Variants in MX1 observed in about 807,000 individuals in gnomAD.
The protein encoded by MX1 is MX dynamin like GTPase 1.
In MX1, 66 loss-of-function variants were observed where a neutral mutation model predicts 66.4. The ratio of observed to expected loss-of-function variants is 0.99; its 90% CI spans 0.82 to 1.22. The LOEUF (loss-of-function observed/expected upper bound fraction) is 1.22, where lower values mean the gene tolerates loss of function less well. Among genes scored for constraint, MX1 ranks in the 50% most tolerant of loss-of-function variants. MX1 has a pLI of 0.00. For synonymous variants in MX1, 311 were observed against 318.1 expected (o/e 0.98, Z 0.24); for missense variants, 787 against 834.3 (o/e 0.94, Z 0.70).
chr21:41,435,182 C>A (rs976876240), intron 5 of MX1, among the ~76,000 whole-genome samples: 10 of 152,180 alleles, frequency 6.6e-5, no homozygotes, highest in Non-Finnish European at 1.5e-4. Context: ...TCTGGCTGCT[C>A]CTAACATTTT....
intron 8 of MX1, 28 bp from the exon 9 acceptor site, chr21:41,440,859 C>G: frequency 6.2e-7 from 1 of 1,613,912 alleles, no homozygotes; most frequent in Non-Finnish European, 8.5e-7. Flanking sequence ...GCCATACTCA[C>G]GAGTCACCTC....
At chr21:41,431,562 G>T (rs2090213470) in intron 4 of MX1, among the ~76,000 whole-genome samples, 1 of 151,022 alleles carries the variant, frequency 6.6e-6, no homozygotes. Context: ...TGCATCCTCT[G>T]CCTGCCAGGT....
At chr21:41,446,360 C>T (rs2090664445) in intron 13 of MX1, among the ~76,000 whole-genome samples, 1 of 152,136 alleles carries the variant, frequency 6.6e-6, no homozygotes, top group Admixed American at 6.5e-5. Flanking sequence ...CAAGCTTCCT[C>T]GGACCTCTTT....
intron 7 of MX1, among the ~76,000 whole-genome samples, chr21:41,438,094 TTTCA>T (rs1568976645): frequency 6.6e-6 from 1 of 152,230 alleles, no homozygotes; most frequent in Non-Finnish European, 1.5e-5. Flanking sequence ...CATGTTTAAG[TTTCA>T]TTCACACTGG....
intron 3 of MX1, chr21:41,429,640 C>G (rs7280422): frequency 0.26 from 39,005 of 151,984 alleles, 5,736 homozygotes; most frequent in East Asian, 0.42. Context: ...AATGGATTAC[C>G]TTTTATAACC....
chr21:41,450,164 C>T (rs1030756245), intron 14 of MX1, among the ~76,000 whole-genome samples: 1 of 152,220 alleles, frequency 6.6e-6, no homozygotes, highest in African/African-American at 2.4e-5. Flanking sequence ...TATTTGAAAT[C>T]TCCGAGGAGT....
At chr21:41,426,685 G>A (rs762895768) in intron 1 of MX1, 1 of 152,236 alleles carries the variant, frequency 6.6e-6, no homozygotes, top group African/African-American at 2.4e-5. Flanking sequence ...GCTTTCCGTC[G>A]ACTTCTATTT....
chr21:41,458,718 TGACGCA>T lies in MX1; in HGVS notation c.1951_1956del (p.Thr651_Gln652del). ...TTCCTGAAGGAGCGGCTTGCACGGC[TGACGCA>T]GGCTCGGCGCCGGCTTGCCCAGTTC... is the stretch of plus-strand genomic sequence containing the variant. On this transcript the variant is annotated inframe_deletion, in exon 17 of 17. Transcript: ENST00000398598. The T allele has an allele frequency of 6.2e-7, 1 of 1,613,944 alleles. No homozygotes were observed. The highest frequency in any genetic ancestry group is 1.1e-5 in the South Asian group (1 of 91,084).
intron 10 of MX1, 150 bp from the exon 11 acceptor site, chr21:41,443,638 A>G (rs1342690831): frequency 1.4e-6 from 1 of 704,384 alleles, no homozygotes; most frequent in African/African-American, 1.8e-5. Flanking sequence ...TATTCAATCC[A>G]GTTCTGAGTA....
chr21:41,458,840 T>C lies in MX1; in HGVS notation c.*82T>C, dbSNP rs1324719416. 6.6e-7 allele frequency: 1 copy of C among 1,524,838 alleles called. No homozygotes were observed. Among genetic ancestry groups the C allele is most frequent in the East Asian group, 2.3e-5 (1 of 42,958 alleles). 94.5% of individuals were successfully genotyped at this position (1,524,838 alleles called of 1,614,324 possible). A position where few individuals can be genotyped will look rare whatever the true frequency, so the allele number is the denominator to read the frequency against. The stretch of plus-strand genomic sequence containing the variant: ...GTAGCCACTGGACTGACGACTTGAG[T>C]GCTCAGTAGTCAGACTGGATAGTCC... On this transcript the variant is annotated 3_prime_UTR_variant, in exon 17 of 17. Transcript: ENST00000398598.
upstream of MX1, among the ~76,000 whole-genome samples, chr21:41,424,226 AGTGT>A (rs3037030): frequency 0.26 from 38,134 of 146,146 alleles, 5,461 homozygotes; most frequent in East Asian, 0.52. Context: ...AGAGGGGTTG[AGTGT>A]GTGTGTGTGT....
chr21:41,452,387 C>G (rs549457322), intron 15 of MX1, among the ~76,000 whole-genome samples: 2 of 152,180 alleles, frequency 1.3e-5, no homozygotes, highest in East Asian at 3.9e-4. Flanking sequence ...CCCCAGGCCC[C>G]GGGATGGGGG....
intron 14 of MX1, chr21:41,449,889 C>T (rs1176936573): frequency 6.6e-6 from 1 of 152,142 alleles, no homozygotes; most frequent in Non-Finnish European, 1.5e-5. Flanking sequence ...CCAGGCCCTC[C>T]CTCCTCTGTG....
chr21:41,458,478 C>T, intron 16 of MX1, 50 bp from the exon 17 acceptor site: 1 of 1,607,746 alleles, frequency 6.2e-7, no homozygotes, highest in Non-Finnish European at 8.5e-7. Flanking sequence ...TCAGAGTCCC[C>T]TCCTCACAGT....
intron 16 of MX1, 117 bp downstream of exon 16, chr21:41,452,986 CCTT>C (rs969532400): frequency 2.6e-6 from 3 of 1,158,146 alleles, no homozygotes; most frequent in South Asian, 1.5e-5. Flanking sequence ...TCGTTTACCT[CCTT>C]GTTAGCCTCC....
At position 41,449,135 on chromosome 21, in the gene MX1, A is replaced by T; in HGVS notation, c.1274-2A>T. On this transcript the variant is annotated splice_acceptor_variant, in intron 13 of 16. Transcript: ENST00000398598. LOFTEE classifies it high-confidence loss of function. ...TTTAGAGGGTTTTTTTTCCTGCTAT[A>T]GGCCATAAAATTTTGAGTAGAAAAA... 6.2e-7 allele frequency: 1 copy of T among 1,606,344 alleles called. No homozygotes were observed. Among genetic ancestry groups the T allele is most frequent in the African/African-American group, 1.3e-5 (1 of 74,470 alleles).
At chr21:41,436,963 T>G in intron 6 of MX1, 52 bp from the exon 7 acceptor site, 1 of 1,606,030 alleles carries the variant, frequency 6.2e-7, no homozygotes, top group South Asian at 1.1e-5. Flanking sequence ...TAAGGCGCTA[T>G]GTAGGTCTTT....
chr21:41,431,953 C>T (rs1391260365), intron 4 of MX1, 97 bp from the exon 5 acceptor site: 1 of 909,394 alleles, frequency 1.1e-6, no homozygotes, highest in Non-Finnish European at 1.7e-6. Flanking sequence ...TCAGAGTCCC[C>T]ACCTCCAGGG....
chr21:41,433,365 A>G (rs541463171), intron 5 of MX1, among the ~76,000 whole-genome samples: 3 of 152,330 alleles, frequency 2.0e-5, no homozygotes, highest in South Asian at 4.1e-4. Context: ...AGCCACATGC[A>G]TAGCAGCACT....
Sources: allele counts gnomAD v4.1 joint callset (sites outside exome capture counted in the v4.1 genomes callset), GRCh38; gene constraint gnomAD v4.1.1; transcripts MANE v1.5; gene names NCBI Gene and HGNC (gene_info 2026-07-23, HGNC 2026-07-21).